Variants in SLC9A9 observed in about 807,000 individuals in gnomAD.
The protein encoded by SLC9A9 is solute carrier family 9 member A9.
Under a neutral mutation model 77.8 loss-of-function variants are expected in SLC9A9, and 62 were observed. That is an observed-to-expected ratio of 0.80 (90% CI 0.65 to 0.98). The LOEUF (loss-of-function observed/expected upper bound fraction) is 0.98. Ranked by LOEUF, SLC9A9 falls within the 50% of genes least tolerant of loss-of-function variation. The probability of loss-of-function intolerance (pLI) is 0.00; values close to 1 mark genes in which losing one functional copy is unlikely to be tolerated. For synonymous variants in SLC9A9, 320 were observed against 283.5 expected (o/e 1.13, Z -1.29); for missense variants, 775 against 774.9 (o/e 1.00, Z 0.00).
At chr3:143,316,138 C>T (rs188861064) in intron 14 of SLC9A9, among the ~76,000 whole-genome samples, 23 of 152,254 alleles carry the variant, frequency 1.5e-4, no homozygotes, top group Middle Eastern at 3.4e-3. Context: ...GCAGAAGAAA[C>T]GGCCCAGGCA....
intron 4 of SLC9A9, among the ~76,000 whole-genome samples, chr3:143,728,555 A>T (rs542932823): frequency 6.6e-6 from 1 of 152,176 alleles, no homozygotes; most frequent in South Asian, 2.1e-4. Context: ...TTTTTTCTGA[A>T]ATGCAAGAGA....
chr3:143,759,744 C>A (rs1480709238), intron 4 of SLC9A9, among the ~76,000 whole-genome samples: 1 of 151,966 alleles, frequency 6.6e-6, no homozygotes, highest in East Asian at 1.9e-4. Flanking sequence ...TGGTTTCTAT[C>A]TCCCCATATT....
At chr3:143,418,447 G>A (rs540485058) in intron 12 of SLC9A9, among the ~76,000 whole-genome samples, 6 of 152,174 alleles carry the variant, frequency 3.9e-5, no homozygotes, top group African/African-American at 1.4e-4. Flanking sequence ...GACATCTGAG[G>A]TCTAAACATG....
intron 14 of SLC9A9, among the ~76,000 whole-genome samples, chr3:143,351,520 G>A (rs554135907): frequency 6.6e-6 from 1 of 152,292 alleles, no homozygotes; most frequent in Admixed American, 6.5e-5. Context: ...TTGTTGGAAG[G>A]TCAAGGAGAG....
At chr3:143,718,171 A>G (rs921370280) in intron 4 of SLC9A9, among the ~76,000 whole-genome samples, 3 of 152,200 alleles carry the variant, frequency 2.0e-5, no homozygotes, top group African/African-American at 2.4e-5. Flanking sequence ...ACTTGAAAAC[A>G]TTAAGAACAA....
At position 143,269,525 on chromosome 3, in the gene SLC9A9, C is replaced by T. The variant is rs192430579; in HGVS notation, c.1605-545G>A. Among the ~76,000 whole-genome samples, 18 of 152,240 alleles carry T rather than the reference C, an allele frequency of 1.2e-4. 1 individual carries two copies. Among genetic ancestry groups the T allele is most frequent in the East Asian group, 3.9e-4 (2 of 5,172 alleles). On this transcript the variant is annotated intron_variant, in intron 14 of 15. Coordinates refer to ENST00000316549, the MANE Select transcript of SLC9A9 (RefSeq NM_173653.4). ...TCTATACAAAATTATGTAAATAAGT[C>T]GGTGCTGGGTTTATTCTGTTGTCTA...
At chr3:143,587,529 T>C (rs1345940876) in intron 6 of SLC9A9, among the ~76,000 whole-genome samples, 1 of 152,126 alleles carries the variant, frequency 6.6e-6, no homozygotes, top group Non-Finnish European at 1.5e-5. Flanking sequence ...CCAGCATGGC[T>C]GGAGGGAAAT....
chr3:143,535,817 T>C (rs958715599), intron 9 of SLC9A9, among the ~76,000 whole-genome samples: 2 of 152,210 alleles, frequency 1.3e-5, no homozygotes, highest in Admixed American at 1.3e-4. Flanking sequence ...GTTCCACCCA[T>C]ACACAGTCCT....
At chr3:143,446,995 T>G (rs1219102668) in intron 12 of SLC9A9, among the ~76,000 whole-genome samples, 1 of 152,186 alleles carries the variant, frequency 6.6e-6, no homozygotes, top group South Asian at 2.1e-4. Context: ...CAGAGACACA[T>G]GTGTTGAAAG....
chr3:143,751,536 C>T (rs192359713), intron 4 of SLC9A9, among the ~76,000 whole-genome samples: 411 of 152,248 alleles, frequency 2.7e-3, no homozygotes, highest in African/African-American at 9.5e-3. Flanking sequence ...ATCCTGACTC[C>T]AGAGTCCCCA....
At chr3:143,390,652 C>T (rs1016065267) in intron 12 of SLC9A9, among the ~76,000 whole-genome samples, 13 of 152,172 alleles carry the variant, frequency 8.5e-5, no homozygotes, top group African/African-American at 2.4e-4. Flanking sequence ...CAGGGCGAGG[C>T]GTCGCCTCAC....
At chr3:143,435,677 A>G (rs1331103556) in intron 12 of SLC9A9, among the ~76,000 whole-genome samples, 2 of 152,122 alleles carry the variant, frequency 1.3e-5, no homozygotes, top group African/African-American at 4.8e-5. Flanking sequence ...TTTGGGTGAT[A>G]TGGGGCCTTG....
chr3:143,320,177 C>T (rs138115336), intron 14 of SLC9A9, among the ~76,000 whole-genome samples: 335 of 152,328 alleles, frequency 2.2e-3, no homozygotes, highest in African/African-American at 6.5e-3. Context: ...AATGGTTCCA[C>T]GAGGGCAGGC....
At chr3:143,347,573 G>A (rs2032325079) in intron 14 of SLC9A9, among the ~76,000 whole-genome samples, 1 of 152,158 alleles carries the variant, frequency 6.6e-6, no homozygotes, top group Non-Finnish European at 1.5e-5. Context: ...CACCCGGATA[G>A]GGGAATCCTG....
rs1937685636 is a variant in SLC9A9, at chr3:143,265,639, T to C, written c.*1063A>G. On this transcript the variant is annotated 3_prime_UTR_variant, in exon 16 of 16. Coordinates refer to ENST00000316549, the MANE Select transcript of SLC9A9 (RefSeq NM_173653.4). ...AAAAGGCACAGGTCATGCAGCTGAA[T>C]TAAAAGCTATCATGTTGGTCTCTGG... is the stretch of plus-strand genomic sequence containing the variant. 2.6e-6 allele frequency: 1 copy of C among 380,104 alleles called. No individual in the cohort carries two copies. The highest frequency in any genetic ancestry group is 2.1e-5 in the African/African-American group (1 of 48,210). 23.5% of individuals were successfully genotyped at this position (380,104 alleles called of 1,614,324 possible).
At chr3:143,648,627 C>T (rs1281897176) in intron 6 of SLC9A9, among the ~76,000 whole-genome samples, 1 of 152,204 alleles carries the variant, frequency 6.6e-6, no homozygotes, top group Non-Finnish European at 1.5e-5. Context: ...TTTCCATTAT[C>T]ATGGCAGTAT....
At chr3:143,446,986 A>G (rs1463666788) in intron 12 of SLC9A9, among the ~76,000 whole-genome samples, 3 of 152,198 alleles carry the variant, frequency 2.0e-5, no homozygotes, top group East Asian at 3.9e-4. Flanking sequence ...AGTGATTCCC[A>G]GAGACACATG....
At chr3:143,734,517 C>G (rs1039383333) in intron 4 of SLC9A9, among the ~76,000 whole-genome samples, 1 of 151,982 alleles carries the variant, frequency 6.6e-6, no homozygotes, top group Non-Finnish European at 1.5e-5. Context: ...GGGCGGATCA[C>G]GAGGTCAGGA....
intron 12 of SLC9A9, among the ~76,000 whole-genome samples, chr3:143,456,376 T>C: frequency 6.6e-6 from 1 of 152,290 alleles, no homozygotes; most frequent in East Asian, 1.9e-4. Context: ...TGTGATGATG[T>C]TTTACTTTTG....
Sources: gnomAD v4.1 joint callset for allele counts (sites outside exome capture counted in the v4.1 genomes callset) on GRCh38, gnomAD v4.1.1 for gene constraint, MANE v1.5 for transcripts, NCBI Gene and HGNC (gene_info 2026-07-23, HGNC 2026-07-21) for gene names.